KPNA3: variants seen among roughly 807,000 people sequenced by gnomAD.
The protein encoded by KPNA3 is karyopherin subunit alpha 3.
KPNA3 carries 13 observed loss-of-function variants against 73.8 expected under a neutral mutation model. The observed-to-expected ratio is 0.18, with a 90% CI of 0.11 to 0.28. The LOEUF (loss-of-function observed/expected upper bound fraction) is 0.28. KPNA3 is among the 10% of genes least tolerant of loss of function. KPNA3 has a pLI of 1.00. For synonymous variants in KPNA3, 186 were observed against 206.9 expected (o/e 0.90, Z 0.87); for missense variants, 360 against 618.1 (o/e 0.58, Z 4.43).
rs1416738788 is a variant in KPNA3, at chr13:49,784,649, T to A, written c.69+7789A>T. ...TATATACCTTAATCTCCCAGAACTT[T>A]ACCTGTCATAATAAAAAGCTTGGAG... On this transcript the variant is annotated intron_variant, in intron 1 of 16. Transcript: ENST00000261667. Among the ~76,000 whole-genome samples, 4 of 152,210 alleles carry A rather than the reference T, an allele frequency of 2.6e-5. No homozygotes were observed. In the East Asian group the frequency reaches 7.7e-4, roughly 29 times the overall value.
chr13:49,791,697 C>T (rs1187437629), intron 1 of KPNA3, among the ~76,000 whole-genome samples: 1 of 148,652 alleles, frequency 6.7e-6, no homozygotes, highest in Non-Finnish European at 1.5e-5. Context: ...GAGCGGAGGT[C>T]GGAGCAACCT....
chr13:49,761,171 G>C (rs949509612), intron 1 of KPNA3, among the ~76,000 whole-genome samples: 1 of 152,066 alleles, frequency 6.6e-6, no homozygotes, highest in Non-Finnish European at 1.5e-5. Context: ...ATGCAGTGCT[G>C]ATGTCATATA....
chr13:49,762,128 C>A (rs1250817725), intron 1 of KPNA3, among the ~76,000 whole-genome samples: 1 of 114,538 alleles, frequency 8.7e-6, no homozygotes, highest in Non-Finnish European at 1.6e-5. Flanking sequence ...CCCCGCCCGG[C>A]CAGCCTCCCC....
chr13:49,779,022 T>G (rs1954920453), intron 1 of KPNA3, among the ~76,000 whole-genome samples: 1 of 152,208 alleles, frequency 6.6e-6, no homozygotes, highest in South Asian at 2.1e-4. Context: ...CATTCATTAT[T>G]TTTCTACGCC....
In KPNA3 at chr13:49,733,685, T is replaced by C. The variant is rs114317494; in HGVS notation, c.115-639A>G. Among the ~76,000 whole-genome samples, 658 of 152,366 alleles carry C rather than the reference T, an allele frequency of 4.3e-3. 6 individuals are homozygous for C. Among genetic ancestry groups the C allele is most frequent in the African/African-American group, 0.015 (624 of 41,586 alleles). ...TCCAGTCCCGCACTGACTGTAGGCATGGCTGTGTGACTTGCTTTGGCAATG... is the reference window on the plus strand; with the variant it reads ...TCCAGTCCCGCACTGACTGTAGGCACGGCTGTGTGACTTGCTTTGGCAATG... On this transcript the variant is annotated intron_variant, in intron 2 of 16. Coordinates refer to ENST00000261667, the MANE Select transcript of KPNA3 (RefSeq NM_002267.4).
chr13:49,735,859 T>C (rs544701710), intron 2 of KPNA3, among the ~76,000 whole-genome samples: 6 of 152,320 alleles, frequency 3.9e-5, no homozygotes, highest in Middle Eastern at 6.8e-3. Flanking sequence ...ATAACCCAAC[T>C]TAATATATTG....
In KPNA3 at chr13:49,778,601, C is replaced by A. The variant is rs148791851; in HGVS notation, c.69+13837G>T. On this transcript the variant is annotated intron_variant, in intron 1 of 16. Coordinates refer to ENST00000261667, the MANE Select transcript of KPNA3 (RefSeq NM_002267.4). ...GGAGTTCAATATATTATTCTCTCTA[C>A]TTTTACATATGTTTGAAAGTTTTAT... Among the ~76,000 whole-genome samples the A allele has an allele frequency of 4.9e-4, 75 of 152,276 alleles. No individual in the cohort carries two copies. The East Asian group carries it at 0.014, about 28-fold the overall frequency.
At chr13:49,747,878 G>A (rs1243146579) in intron 1 of KPNA3, among the ~76,000 whole-genome samples, 10 of 152,070 alleles carry the variant, frequency 6.6e-5, no homozygotes, top group Non-Finnish European at 1.5e-4. Flanking sequence ...TCATCTTTGG[G>A]GAATTACATC....
At chr13:49,732,844 C>T in intron 3 of KPNA3, 68 bp from the exon 4 acceptor site, 1 of 1,352,988 alleles carries the variant, frequency 7.4e-7, no homozygotes, top group Non-Finnish European at 1.0e-6. Flanking sequence ...AACAGTGTAC[C>T]TGAGTTAATA....
At chr13:49,702,292 C>A in intron 16 of KPNA3, 94 bp downstream of exon 16, 1 of 701,508 alleles carries the variant, frequency 1.4e-6, no homozygotes, top group South Asian at 1.7e-5. Flanking sequence ...AAACTTATGT[C>A]ATCCTAATAA....
At chr13:49,734,116 T>C (rs1954497537) in intron 2 of KPNA3, among the ~76,000 whole-genome samples, 1 of 152,234 alleles carries the variant, frequency 6.6e-6, no homozygotes, top group Non-Finnish European at 1.5e-5. Flanking sequence ...CTAAAATTCC[T>C]GGTATTTTGT....
At chr13:49,758,614 G>A (rs548521367) in intron 1 of KPNA3, among the ~76,000 whole-genome samples, 3 of 152,076 alleles carry the variant, frequency 2.0e-5, no homozygotes, top group Middle Eastern at 3.4e-3. Context: ...GGAGAAAGAC[G>A]GATATATGAT....
chr13:49,722,363 A>G (rs918953750), intron 8 of KPNA3, 114 bp downstream of exon 8: 4 of 727,628 alleles, frequency 5.5e-6, no homozygotes, highest in Non-Finnish European at 9.1e-6. Flanking sequence ...CTTATGAGGC[A>G]AGAAGAGAGT....
intron 10 of KPNA3, among the ~76,000 whole-genome samples, chr13:49,718,808 T>C (rs189551634): frequency 7.9e-5 from 12 of 152,104 alleles, no homozygotes; most frequent in Non-Finnish European, 1.8e-4. Flanking sequence ...AATCTGCAAA[T>C]GAGCTAGAGT....
chr13:49,705,515 A>C (rs1954199537), intron 15 of KPNA3, 106 bp downstream of exon 15: 15 of 1,152,466 alleles, frequency 1.3e-5, no homozygotes, highest in Non-Finnish European at 1.7e-5. Flanking sequence ...TGATCATTTA[A>C]AAACAACGTA....
At chr13:49,787,257 G>A (rs1039088253) in intron 1 of KPNA3, among the ~76,000 whole-genome samples, 1 of 152,258 alleles carries the variant, frequency 6.6e-6, no homozygotes, top group Non-Finnish European at 1.5e-5. Flanking sequence ...CAACCAACTG[G>A]CTCCTTGCTG....
At chr13:49,733,364 T>C (rs1954489311) in intron 2 of KPNA3, among the ~76,000 whole-genome samples, 1 of 142,478 alleles carries the variant, frequency 7.0e-6, no homozygotes, top group South Asian at 2.5e-4. Context: ...CTCAGCTCAC[T>C]TCCAACCTCT....
intron 10 of KPNA3, among the ~76,000 whole-genome samples, chr13:49,718,898 T>C (rs1300263032): frequency 3.9e-5 from 6 of 152,144 alleles, no homozygotes; most frequent in Admixed American, 1.3e-4. Context: ...GTCCCAATGA[T>C]AAATTACACA....
chr13:49,791,908 G>A (rs1292180742), intron 1 of KPNA3, among the ~76,000 whole-genome samples: 1 of 152,204 alleles, frequency 6.6e-6, no homozygotes, highest in Non-Finnish European at 1.5e-5. Context: ...TACCCGGCTG[G>A]TCCCCACCCC....
Sources: allele counts gnomAD v4.1 joint callset (sites outside exome capture counted in the v4.1 genomes callset), GRCh38; gene constraint gnomAD v4.1.1; transcripts MANE v1.5; gene names NCBI Gene and HGNC (gene_info 2026-07-23, HGNC 2026-07-21).